SORCS3: variants seen among roughly 807,000 people sequenced by gnomAD.
The protein encoded by SORCS3 is sortilin related VPS10 domain containing receptor 3.
A neutral mutation model predicts 146.3 loss-of-function variants in SORCS3; 57 were observed. The observed-to-expected ratio is 0.39, with a 90% CI of 0.31 to 0.49. The LOEUF (loss-of-function observed/expected upper bound fraction) is 0.49, where lower values mean the gene tolerates loss of function less well. SORCS3 is among the 20% of genes least tolerant of loss of function. The probability of loss-of-function intolerance (pLI) is 0.92; values close to 1 mark genes in which losing one functional copy is unlikely to be tolerated. For missense variants in SORCS3, 1,341 were observed against 1,575.5 expected (o/e 0.85, Z 2.52); for synonymous variants, 653 against 618.5 (o/e 1.06, Z -0.83).
intron 14 of SORCS3, among the ~76,000 whole-genome samples, chr10:105,193,523 A>G (rs1470697961): frequency 6.6e-6 from 1 of 152,192 alleles, no homozygotes; most frequent in African/African-American, 2.4e-5. Context: ...GCTTTGATGT[A>G]GACATTGAGG....
At chr10:105,103,543 A>G (rs772829377) in intron 6 of SORCS3, among the ~76,000 whole-genome samples, 4 of 152,226 alleles carry the variant, frequency 2.6e-5, no homozygotes, top group Non-Finnish European at 4.4e-5. Context: ...ACAGATGACA[A>G]GAAAGTGTCC....
chr10:104,987,573 A>G (rs1022210967), intron 4 of SORCS3, among the ~76,000 whole-genome samples: 13 of 152,142 alleles, frequency 8.5e-5, no homozygotes, highest in African/African-American at 3.1e-4. Flanking sequence ...ATGCAGCCTG[A>G]GATTTCTCTT....
chr10:104,670,211 A>T (rs909122216), intron 1 of SORCS3, among the ~76,000 whole-genome samples: 6 of 151,954 alleles, frequency 3.9e-5, no homozygotes, highest in African/African-American at 1.2e-4. Context: ...TGATATATAA[A>T]TTTTTTTAAT....
At chr10:105,229,765 A>G (rs1033160523) in intron 20 of SORCS3, among the ~76,000 whole-genome samples, 2 of 152,064 alleles carry the variant, frequency 1.3e-5, no homozygotes, top group African/African-American at 4.8e-5. Context: ...GATTATGCCT[A>G]TTTAGGGGCC....
At chr10:104,890,870 C>A (rs953256574) in intron 2 of SORCS3, among the ~76,000 whole-genome samples, 24 of 152,210 alleles carry the variant, frequency 1.6e-4, no homozygotes, top group African/African-American at 5.3e-4. Flanking sequence ...AGGATGCAGA[C>A]AGTGAGAAAT....
intron 1 of SORCS3, among the ~76,000 whole-genome samples, chr10:104,741,519 C>G (rs1307881345): frequency 6.6e-6 from 1 of 151,270 alleles, no homozygotes; most frequent in Non-Finnish European, 1.5e-5. Flanking sequence ...GTTATTGTTT[C>G]TTCACTCTAC....
At chr10:105,042,490 G>A (rs2055344280) in intron 4 of SORCS3, among the ~76,000 whole-genome samples, 1 of 152,106 alleles carries the variant, frequency 6.6e-6, no homozygotes, top group Non-Finnish European at 1.5e-5. Flanking sequence ...TTATAGGGAT[G>A]CTGGCTTATC....
At position 104,831,314 on chromosome 10, in the gene SORCS3, T is replaced by C. The variant is rs117605654; in HGVS notation, c.628-11478T>C. 6.6e-5 allele frequency among the ~76,000 whole-genome samples: 10 copies of C among 152,242 alleles called. No individual in the cohort carries two copies. In the East Asian group the frequency reaches 1.9e-3, roughly 29 times the overall value. ...CTAACCAACACTAACGTTCTTTGTA[T>C]AAAAGAAAAGAAACAGAGAGAGAGT... On this transcript the variant is annotated intron_variant, in intron 1 of 26. Transcript: ENST00000369701.
At chr10:104,815,578 T>C (rs2017788391) in intron 1 of SORCS3, among the ~76,000 whole-genome samples, 4 of 151,278 alleles carry the variant, frequency 2.6e-5, no homozygotes, top group Admixed American at 1.3e-4. Flanking sequence ...TATTCAAAAA[T>C]ATTATTCTAT....
chr10:105,173,332 C>T (rs974152570), intron 13 of SORCS3, among the ~76,000 whole-genome samples: 1 of 151,914 alleles, frequency 6.6e-6, no homozygotes, highest in African/African-American at 2.4e-5. Flanking sequence ...AAAACAACAA[C>T]AAAAAAAGAA....
chr10:104,945,111 A>G (rs1480480478), intron 3 of SORCS3, among the ~76,000 whole-genome samples: 1 of 152,230 alleles, frequency 6.6e-6, no homozygotes, highest in Non-Finnish European at 1.5e-5. Flanking sequence ...AAAAGAATAC[A>G]TATCGTATGA....
intron 5 of SORCS3, among the ~76,000 whole-genome samples, chr10:105,071,457 C>T (rs1256181119): frequency 6.6e-6 from 1 of 152,218 alleles, no homozygotes; most frequent in African/African-American, 2.4e-5. Context: ...TTAGTAAGTC[C>T]AGATACCGTG....
intron 11 of SORCS3, among the ~76,000 whole-genome samples, chr10:105,162,516 A>G (rs1208621280): frequency 6.6e-6 from 1 of 152,210 alleles, no homozygotes; most frequent in Non-Finnish European, 1.5e-5. Context: ...TAAGGACTGT[A>G]CATGTTCAAA....
At chr10:105,009,392 G>A (rs931072838) in intron 4 of SORCS3, among the ~76,000 whole-genome samples, 5 of 152,040 alleles carry the variant, frequency 3.3e-5, no homozygotes, top group Non-Finnish European at 7.3e-5. Context: ...TATTATGTAG[G>A]TTTCTGCCCT....
intron 3 of SORCS3, among the ~76,000 whole-genome samples, chr10:104,927,307 A>C (rs551967183): frequency 6.6e-6 from 1 of 152,324 alleles, no homozygotes; most frequent in African/African-American, 2.4e-5. Context: ...TGCCTGGCTC[A>C]TTTAGCCATC....
At chr10:104,758,834 G>A (rs1286227844) in intron 1 of SORCS3, among the ~76,000 whole-genome samples, 1 of 152,084 alleles carries the variant, frequency 6.6e-6, no homozygotes, top group Non-Finnish European at 1.5e-5. Flanking sequence ...GGCCGGACAG[G>A]GCTGATATGC....
intron 20 of SORCS3, among the ~76,000 whole-genome samples, chr10:105,241,254 G>A (rs2056821243): frequency 6.6e-6 from 1 of 152,170 alleles, no homozygotes; most frequent in Admixed American, 6.5e-5. Flanking sequence ...GTGGGAGGGA[G>A]CATGTGAGCG....
At chr10:105,096,997 T>A (rs751124815) in intron 6 of SORCS3, among the ~76,000 whole-genome samples, 1 of 152,130 alleles carries the variant, frequency 6.6e-6, no homozygotes, top group Non-Finnish European at 1.5e-5. Flanking sequence ...ATTTAAAAGG[T>A]CATTTGTGGC....
intron 1 of SORCS3, among the ~76,000 whole-genome samples, chr10:104,741,561 A>G (rs900288367): frequency 6.7e-6 from 1 of 149,776 alleles, no homozygotes; most frequent in Non-Finnish European, 1.5e-5. Flanking sequence ...AAATCCTAGG[A>G]CATAAATGTT....
Sources: gnomAD v4.1 joint callset for allele counts (sites outside exome capture counted in the v4.1 genomes callset) on GRCh38, gnomAD v4.1.1 for gene constraint, MANE v1.5 for transcripts, NCBI Gene and HGNC (gene_info 2026-07-23, HGNC 2026-07-21) for gene names.